The following RNF220 variants were observed in gnomAD, a reference collection of about 807,000 sequenced individuals.
RNF220 encodes E3 ubiquitin-protein ligase RNF220.
A neutral mutation model predicts 67.1 loss-of-function variants in RNF220; 7 were observed. That is an observed-to-expected ratio of 0.10 (90% CI 0.06 to 0.20). The LOEUF is 0.20. Ranked by LOEUF, RNF220 falls within the 10% of genes least tolerant of loss-of-function variation. RNF220 has a pLI of 1.00. For missense variants in RNF220, 565 were observed against 740.3 expected (o/e 0.76, Z 2.75); for synonymous variants, 270 against 283.2 (o/e 0.95, Z 0.47).
At chr1:44,631,994 T>G in intron 5 of RNF220, 1 of 1,009,902 alleles carries the variant, frequency 9.9e-7, no homozygotes, top group Non-Finnish European at 1.2e-6. Flanking sequence ...CCGCCGCCGC[T>G]TGGAGCTGAA....
Position 44,650,313 on chromosome 1 carries a change from C to A in RNF220, c.1629+356C>A. On this transcript the variant is annotated intron_variant, in intron 14 of 14. Transcript: ENST00000361799. This position sits in a 1 kb window ranked among gnomAD's most constrained non-coding sequence, Gnocchi z 4.3. ...CCCTCCCCCTCCCATTACTAAGCTC[C>A]TTCTGCTCCTGCCCCTGTTCTTCGC... 1 of 487,776 alleles carries A rather than the reference C, an allele frequency of 2.1e-6. No homozygotes were observed. Among genetic ancestry groups the A allele is most frequent in the Non-Finnish European group, 3.7e-6 (1 of 269,256 alleles). 30.2% of individuals were successfully genotyped at this position (487,776 alleles called of 1,614,324 possible). A position where few individuals can be genotyped will look rare whatever the true frequency, so the allele number is the denominator to read the frequency against.
intron 2 of RNF220, among the ~76,000 whole-genome samples, chr1:44,454,210 T>G (rs975179295): frequency 2.0e-5 from 3 of 152,182 alleles, no homozygotes; most frequent in African/African-American, 7.2e-5. Context: ...ACTTAGAAAT[T>G]ATTTATGTGT....
intron 2 of RNF220, among the ~76,000 whole-genome samples, chr1:44,542,924 A>G (rs913520107): frequency 6.6e-6 from 1 of 151,606 alleles, no homozygotes; most frequent in Non-Finnish European, 1.5e-5. Flanking sequence ...TCCCTGCCCC[A>G]GCCCCTCCCA....
chr1:44,568,831 G>A (rs1478951978), intron 2 of RNF220, among the ~76,000 whole-genome samples: 8 of 152,192 alleles, frequency 5.3e-5, no homozygotes. Context: ...TATGGGATGG[G>A]ATGGGGGATT....
chr1:44,557,574 T>C (rs966541550), intron 2 of RNF220, among the ~76,000 whole-genome samples: 3 of 150,264 alleles, frequency 2.0e-5, no homozygotes, highest in African/African-American at 7.3e-5. Context: ...CGTTCATTCA[T>C]TCATTCATTC....
Position 44,446,918 on chromosome 1 carries a change from CTG to C in RNF220, c.625+34198_625+34199del, listed in dbSNP as rs368363215. ...AATGGGTGAAGTTACGCAGATAACACTGTTTCATAGACACACCTGCAGCGATG... is the reference window on the plus strand; with the variant it reads ...AATGGGTGAAGTTACGCAGATAACACTTTCATAGACACACCTGCAGCGATG... On this transcript the variant is annotated intron_variant, in intron 2 of 14. Coordinates refer to ENST00000361799, the MANE Select transcript of RNF220 (RefSeq NM_018150.4). Among the ~76,000 whole-genome samples, 147 of 152,318 alleles carry C rather than the reference CTG, an allele frequency of 9.7e-4. 1 individual carries two copies. In the East Asian group the frequency reaches 0.021, roughly 22 times the overall value.
chr1:44,559,583 CG>C (rs1032455514), intron 2 of RNF220, among the ~76,000 whole-genome samples: 26 of 152,132 alleles, frequency 1.7e-4, no homozygotes, highest in African/African-American at 6.3e-4. Flanking sequence ...GGGGGCATCC[CG>C]GGGGAGACTT....
chr1:44,636,385 A>T lies in RNF220; in HGVS notation c.1126+223A>T, dbSNP rs1176622429. On this transcript the variant is annotated intron_variant, in intron 8 of 14. Transcript: ENST00000361799. The stretch of plus-strand genomic sequence containing the variant: ...GGGGAAATGGAATTGTGAGGCTGCA[A>T]GCTAGGAGTGACGAAGGGGGGCTCT... The T allele has an allele frequency of 5.4e-6, 4 of 742,164 alleles. No homozygotes were observed. In the Admixed American group the frequency reaches 6.0e-5, roughly 11 times the overall value. 46.0% of individuals were successfully genotyped at this position (742,164 alleles called of 1,614,324 possible). A position where few individuals can be genotyped will look rare whatever the true frequency, so the allele number is the denominator to read the frequency against.
At chr1:44,426,007 C>T (rs1649733375) in intron 2 of RNF220, among the ~76,000 whole-genome samples, 1 of 152,172 alleles carries the variant, frequency 6.6e-6, no homozygotes, top group Admixed American at 6.5e-5. Flanking sequence ...GCAAAAGTTA[C>T]CCAACTCTTG....
In RNF220 at chr1:44,622,684, C is replaced by A; in HGVS notation, c.759-58C>A. On this transcript the variant is annotated intron_variant, in intron 3 of 14. Transcript: ENST00000361799. The surrounding 1 kb of genome is among the most constrained non-coding windows in gnomAD (Gnocchi z 4.3). The stretch of plus-strand genomic sequence containing the variant: ...CTTTGGGGTCTTCTTGCTACTCTAC[C>A]GTTGCATGCCCTGGGCAGCAGGTAG... 1 of 1,501,248 alleles carries A rather than the reference C, an allele frequency of 6.7e-7. No individual in the cohort carries two copies. The highest frequency in any genetic ancestry group is 1.1e-5 in the South Asian group (1 of 88,494). The allele number at this position is 1,501,248 out of a possible 1,614,324, so 93.0% of individuals were successfully genotyped here.
intron 2 of RNF220, among the ~76,000 whole-genome samples, chr1:44,500,779 GAGGGAGTCTCTAA>G (rs896419421): frequency 6.6e-5 from 10 of 151,400 alleles, no homozygotes; most frequent in African/African-American, 1.2e-4. Context: ...GCTGCTGAGG[GAGGGAGTCTCTAA>G]AGAGAGAGGA....
At chr1:44,456,013 G>A (rs1572557126) in intron 2 of RNF220, among the ~76,000 whole-genome samples, 1 of 152,280 alleles carries the variant, frequency 6.6e-6, no homozygotes, top group East Asian at 1.9e-4. Flanking sequence ...CTAGCTTTCA[G>A]ATCTTGTGAT....
chr1:44,602,462 G>A (rs935949092), intron 2 of RNF220, among the ~76,000 whole-genome samples: 2 of 152,116 alleles, frequency 1.3e-5, no homozygotes, highest in Non-Finnish European at 2.9e-5. Context: ...AGTATCTAGA[G>A]ACTGCGGATG....
At chr1:44,411,297 G>A (rs1006774005) in intron 1 of RNF220, among the ~76,000 whole-genome samples, 3 of 152,218 alleles carry the variant, frequency 2.0e-5, no homozygotes, top group Non-Finnish European at 1.5e-5. Flanking sequence ...GAAAGCCCAT[G>A]TGATTAGAGA....
At chr1:44,605,518 T>C (rs943749477) in intron 2 of RNF220, among the ~76,000 whole-genome samples, 3 of 152,178 alleles carry the variant, frequency 2.0e-5, no homozygotes, top group Non-Finnish European at 4.4e-5. Flanking sequence ...CACTTTGGGC[T>C]ATGCATTCTG....
At chr1:44,627,982 C>A (rs1032667806) in intron 5 of RNF220, among the ~76,000 whole-genome samples, 20 of 152,218 alleles carry the variant, frequency 1.3e-4, no homozygotes, top group African/African-American at 4.8e-4. Flanking sequence ...AAAGTGCAAG[C>A]CCTGGGAAGG....
intron 2 of RNF220, among the ~76,000 whole-genome samples, chr1:44,611,983 T>C (rs1251914218): frequency 6.6e-6 from 1 of 152,234 alleles, no homozygotes; most frequent in East Asian, 1.9e-4. Flanking sequence ...TCTGGCTAAC[T>C]GAAGGCAGGA....
At chr1:44,536,583 G>A (rs1331556139) in intron 2 of RNF220, among the ~76,000 whole-genome samples, 1 of 152,190 alleles carries the variant, frequency 6.6e-6, no homozygotes, top group Non-Finnish European at 1.5e-5. Flanking sequence ...TTCCTCTGGG[G>A]CTGCGGAGCT....
intron 2 of RNF220, among the ~76,000 whole-genome samples, chr1:44,430,281 T>G (rs1650222970): frequency 6.6e-6 from 1 of 152,068 alleles, no homozygotes; most frequent in African/African-American, 2.4e-5. Context: ...ATTTCTATAA[T>G]TAAAAAATTT....
Sources: allele counts gnomAD v4.1 joint callset (sites outside exome capture counted in the v4.1 genomes callset), GRCh38; gene constraint gnomAD v4.1.1; non-coding constraint Gnocchi (gnomAD v3.1); transcripts MANE v1.5; gene names NCBI Gene and HGNC (gene_info 2026-07-23, HGNC 2026-07-21).